The following ROBO1 variants were observed in gnomAD, a reference collection of about 807,000 sequenced individuals.
The protein encoded by ROBO1 is roundabout guidance receptor 1.
A neutral mutation model predicts 195.9 loss-of-function variants in ROBO1; 149 were observed. The observed-to-expected ratio is 0.76, with a 90% CI of 0.67 to 0.87. The LOEUF (loss-of-function observed/expected upper bound fraction) is 0.87. Ranked by LOEUF, ROBO1 falls within the 40% of genes least tolerant of loss-of-function variation. ROBO1 has a pLI of 0.00. For synonymous variants in ROBO1, 816 were observed against 733.2 expected (o/e 1.11, Z -1.82); for missense variants, 1,933 against 2,068.3 (o/e 0.93, Z 1.27).
At chr3:78,667,645 A>G (rs575074154) in intron 14 of ROBO1, among the ~76,000 whole-genome samples, 7 of 152,146 alleles carry the variant, frequency 4.6e-5, no homozygotes, top group African/African-American at 1.7e-4. Context: ...ATATATTTGT[A>G]ATTTTATGAG....
chr3:79,697,255 C>G (rs1433338778), intron 1 of ROBO1, among the ~76,000 whole-genome samples: 1 of 151,058 alleles, frequency 6.6e-6, no homozygotes, highest in Non-Finnish European at 1.5e-5. Flanking sequence ...AAGAGTCATT[C>G]AAAAATATTC....
rs1394622072 is a variant in ROBO1, at chr3:78,598,175, T to TA, written c.*737dup. The TA allele has an allele frequency of 6.6e-6, 1 of 152,498 alleles. No individual in the cohort carries two copies. The highest frequency in any genetic ancestry group is 1.5e-5 in the Non-Finnish European group (1 of 68,032). 9.4% of individuals were successfully genotyped at this position (152,498 alleles called of 1,614,324 possible). A position where few individuals can be genotyped will look rare whatever the true frequency, so the allele number is the denominator to read the frequency against. On this transcript the variant is annotated 3_prime_UTR_variant, in exon 31 of 31. Coordinates refer to ENST00000464233, the MANE Select transcript of ROBO1 (RefSeq NM_002941.4). ...ATGATTGAAAAATAGAACAAGGTTT[T>TA]ACTAGGTTTACTTATGACAATGACT...
At chr3:79,069,752 G>C (rs1258000002) in intron 3 of ROBO1, among the ~76,000 whole-genome samples, 1 of 151,784 alleles carries the variant, frequency 6.6e-6, no homozygotes, top group Non-Finnish European at 1.5e-5. Flanking sequence ...TATCCTTTCT[G>C]TGCCTCAGTT....
chr3:79,553,085 T>C (rs990550321), intron 2 of ROBO1, among the ~76,000 whole-genome samples: 1 of 152,070 alleles, frequency 6.6e-6, no homozygotes, highest in East Asian at 1.9e-4. Context: ...AATTTCACAG[T>C]TGATTTGTAG....
chr3:79,269,206 C>T (rs137915838), intron 2 of ROBO1, among the ~76,000 whole-genome samples: 21 of 151,556 alleles, frequency 1.4e-4, no homozygotes, highest in East Asian at 3.9e-4. Flanking sequence ...TATGATATTA[C>T]GAAAATATGA....
At chr3:78,864,667 A>T (rs1378543488) in intron 4 of ROBO1, among the ~76,000 whole-genome samples, 1 of 151,904 alleles carries the variant, frequency 6.6e-6, no homozygotes, top group Admixed American at 6.6e-5. Flanking sequence ...GAGAATTTAT[A>T]CCTCTCATCT....
At chr3:79,657,758 AG>A (rs1199120016) in intron 1 of ROBO1, among the ~76,000 whole-genome samples, 1 of 152,108 alleles carries the variant, frequency 6.6e-6, no homozygotes, top group African/African-American at 2.4e-5. Context: ...TAGAAATAAA[AG>A]GGGATCATAT....
At chr3:79,361,266 T>C (rs1027999726) in intron 2 of ROBO1, among the ~76,000 whole-genome samples, 1 of 152,134 alleles carries the variant, frequency 6.6e-6, no homozygotes, top group African/African-American at 2.4e-5. Context: ...TTTCTACTTA[T>C]GCATCTTTGT....
intron 2 of ROBO1, among the ~76,000 whole-genome samples, chr3:79,208,517 A>G (rs908286175): frequency 1.8e-4 from 27 of 152,210 alleles, no homozygotes; most frequent in African/African-American, 6.5e-4. Context: ...AGAGAGTATA[A>G]GAAGGATTTC....
At chr3:79,471,856 G>C (rs144071209) in intron 2 of ROBO1, among the ~76,000 whole-genome samples, 4 of 150,050 alleles carry the variant, frequency 2.7e-5, no homozygotes, top group Admixed American at 6.8e-5. Context: ...AACACCGCAT[G>C]TTCTCCCTCA....
chr3:78,979,568 G>T (rs750866964), intron 3 of ROBO1, among the ~76,000 whole-genome samples: 1 of 152,096 alleles, frequency 6.6e-6, no homozygotes, highest in Non-Finnish European at 1.5e-5. Flanking sequence ...CAGAGATTTG[G>T]GGAAACTTAG....
chr3:79,727,470 G>A (rs1010819362), intron 1 of ROBO1, among the ~76,000 whole-genome samples: 2 of 152,106 alleles, frequency 1.3e-5, no homozygotes, highest in East Asian at 1.9e-4. Context: ...ATTTAGTCTG[G>A]AATCATTTAA....
At chr3:79,698,493 T>C (rs2107138429) in intron 1 of ROBO1, among the ~76,000 whole-genome samples, 1 of 151,538 alleles carries the variant, frequency 6.6e-6, no homozygotes, top group African/African-American at 2.4e-5. Context: ...AGATAATAAT[T>C]TGATTACTTA....
At chr3:79,487,404 A>C (rs1368289090) in intron 2 of ROBO1, among the ~76,000 whole-genome samples, 1 of 152,062 alleles carries the variant, frequency 6.6e-6, no homozygotes. Context: ...TTTAGTAGAG[A>C]CGGTGTTTCA....
chr3:79,358,950 G>T (rs538968039), intron 2 of ROBO1, among the ~76,000 whole-genome samples: 1 of 151,946 alleles, frequency 6.6e-6, no homozygotes, highest in African/African-American at 2.4e-5. Flanking sequence ...AACATATCAT[G>T]GTTTAACACC....
intron 2 of ROBO1, among the ~76,000 whole-genome samples, chr3:79,155,079 A>C (rs2080835514): frequency 6.6e-6 from 1 of 151,830 alleles, no homozygotes; most frequent in Admixed American, 6.6e-5. Flanking sequence ...TCCTATTGCC[A>C]ACGATGCATG....
chr3:79,139,247 G>C (rs1365659924), intron 2 of ROBO1, among the ~76,000 whole-genome samples: 1 of 151,964 alleles, frequency 6.6e-6, no homozygotes, highest in Non-Finnish European at 1.5e-5. Flanking sequence ...ATAAGCCTGT[G>C]ACCCAGAAGA....
intron 3 of ROBO1, among the ~76,000 whole-genome samples, chr3:78,963,365 G>C (rs1045494073): frequency 1.3e-5 from 2 of 151,832 alleles, no homozygotes; most frequent in African/African-American, 2.4e-5. Flanking sequence ...TGATGCCTTG[G>C]ATGAACATGG....
intron 2 of ROBO1, among the ~76,000 whole-genome samples, chr3:79,556,459 T>C (rs1175427980): frequency 6.6e-6 from 1 of 152,128 alleles, no homozygotes; most frequent in African/African-American, 2.4e-5. Context: ...CACTTGAGTC[T>C]CCTGAACCAT....
Sources: gnomAD v4.1 joint callset for allele counts (sites outside exome capture counted in the v4.1 genomes callset) on GRCh38, gnomAD v4.1.1 for gene constraint, MANE v1.5 for transcripts, NCBI Gene and HGNC (gene_info 2026-07-23, HGNC 2026-07-21) for gene names.